The following PARD3B variants were observed in gnomAD, a reference collection of about 807,000 sequenced individuals.
PARD3B encodes partitioning defective 3 homolog B.
In PARD3B, 103 loss-of-function variants were observed where a neutral mutation model predicts 130.2. That is an observed-to-expected ratio of 0.79 (90% CI 0.67 to 0.93). PARD3B has a LOEUF of 0.93. Among genes scored for constraint, PARD3B ranks in the 40% least tolerant of loss-of-function variants. The pLI is 0.00. For missense variants in PARD3B, 1,609 were observed against 1,499.2 expected (o/e 1.07, Z -1.21); for synonymous variants, 583 against 553.2 (o/e 1.05, Z -0.76).
intron 20 of PARD3B, among the ~76,000 whole-genome samples, chr2:205,492,642 A>G (rs919004235): frequency 6.6e-6 from 1 of 152,128 alleles, no homozygotes; most frequent in South Asian, 2.1e-4. Flanking sequence ...TTATTTGTCA[A>G]TGCACCTTTG....
At chr2:205,103,056 C>CA (rs1014631275) in intron 4 of PARD3B, among the ~76,000 whole-genome samples, 1 of 144,808 alleles carries the variant, frequency 6.9e-6, no homozygotes, top group South Asian at 2.2e-4. Flanking sequence ...CGACAGAGCT[C>CA]AAAAAAAATA....
intron 1 of PARD3B, among the ~76,000 whole-genome samples, chr2:204,629,355 C>A (rs539742347): frequency 1.3e-5 from 2 of 152,224 alleles, no homozygotes; most frequent in Non-Finnish European, 2.9e-5. Flanking sequence ...ATTTGCTTTT[C>A]TGTATTTGTG....
chr2:205,151,589 G>A (rs2033761157), intron 10 of PARD3B, among the ~76,000 whole-genome samples: 1 of 151,878 alleles, frequency 6.6e-6, no homozygotes, highest in African/African-American at 2.4e-5. Flanking sequence ...TGCAACCCCT[G>A]CTTTTTTGTT....
intron 2 of PARD3B, among the ~76,000 whole-genome samples, chr2:204,813,438 T>C (rs927827323): frequency 2.6e-5 from 4 of 152,128 alleles, no homozygotes; most frequent in African/African-American, 7.2e-5. Flanking sequence ...CTTTATTTGA[T>C]ATATGATTTG....
At chr2:204,596,485 G>A (rs1025642257) in intron 1 of PARD3B, among the ~76,000 whole-genome samples, 33 of 152,128 alleles carry the variant, frequency 2.2e-4, no homozygotes, top group African/African-American at 8.0e-4. Flanking sequence ...CAGGGTTCAA[G>A]GGTGAATCCT....
At chr2:205,413,038 TC>T (rs1175157157) in intron 19 of PARD3B, among the ~76,000 whole-genome samples, 8 of 152,214 alleles carry the variant, frequency 5.3e-5, no homozygotes, top group African/African-American at 1.7e-4. Flanking sequence ...TTTTTCTTCG[TC>T]TTTCTTTGAA....
intron 21 of PARD3B, among the ~76,000 whole-genome samples, chr2:205,509,152 A>G (rs2050492846): frequency 6.6e-6 from 1 of 152,170 alleles, no homozygotes. Context: ...AGTCCCCAAC[A>G]TAGAAATAAA....
chr2:205,405,265 C>CG lies in PARD3B; in HGVS notation c.2741+4145dup, dbSNP rs2046380804. ...GGAGATATTTTTGATTGTCATAACTCGGGAAGAGGGGTGAGCAGTTACTGC... is the reference window on the plus strand; with the variant it reads ...GGAGATATTTTTGATTGTCATAACTCGGGGAAGAGGGGTGAGCAGTTACTGC... On this transcript the variant is annotated intron_variant, in intron 19 of 22. Coordinates refer to ENST00000406610, the MANE Select transcript of PARD3B (RefSeq NM_001302769.2). The surrounding 1 kb of genome is among the most constrained non-coding windows in gnomAD (Gnocchi z 4.1). 6.6e-6 allele frequency among the ~76,000 whole-genome samples: 1 copy of CG among 152,024 alleles called. No homozygotes were observed. Among genetic ancestry groups the CG allele is most frequent in the African/African-American group, 2.4e-5 (1 of 41,382 alleles).
At chr2:205,386,251 C>G (rs2045657853) in intron 18 of PARD3B, among the ~76,000 whole-genome samples, 1 of 152,064 alleles carries the variant, frequency 6.6e-6, no homozygotes, top group Non-Finnish European at 1.5e-5. Context: ...TGGCAAGTGC[C>G]CTTTTGACCA....
intron 16 of PARD3B, among the ~76,000 whole-genome samples, chr2:205,285,902 C>T (rs2041377829): frequency 2.6e-5 from 4 of 152,132 alleles, no homozygotes; most frequent in Admixed American, 2.6e-4. Flanking sequence ...CCACATCCTG[C>T]AGATGTGGAG....
At chr2:205,123,833 G>T (rs2031057727) in intron 8 of PARD3B, among the ~76,000 whole-genome samples, 1 of 151,910 alleles carries the variant, frequency 6.6e-6, no homozygotes, top group Non-Finnish European at 1.5e-5. Flanking sequence ...TGAGAAGGGA[G>T]AAATTGGAGA....
At chr2:204,804,545 T>G (rs2042695159) in intron 2 of PARD3B, among the ~76,000 whole-genome samples, 1 of 152,184 alleles carries the variant, frequency 6.6e-6, no homozygotes, top group East Asian at 1.9e-4. Context: ...TGTTAATAGC[T>G]GGAGACTTCA....
intron 11 of PARD3B, among the ~76,000 whole-genome samples, chr2:205,165,683 A>C: frequency 6.6e-6 from 1 of 151,544 alleles, no homozygotes. Context: ...ATACCACTGC[A>C]CTCCAGCCGG....
At chr2:204,759,239 C>G (rs528740926) in intron 2 of PARD3B, among the ~76,000 whole-genome samples, 2 of 152,184 alleles carry the variant, frequency 1.3e-5, no homozygotes, top group Non-Finnish European at 2.9e-5. Flanking sequence ...ATCTGATTGG[C>G]CACACCTTTA....
At chr2:205,207,889 A>G (rs1049939659) in intron 15 of PARD3B, among the ~76,000 whole-genome samples, 1 of 122,078 alleles carries the variant, frequency 8.2e-6, no homozygotes, top group Non-Finnish European at 1.7e-5. Flanking sequence ...TCATTCTGAT[A>G]CCGAAGCCAG....
Position 205,160,384 on chromosome 2 carries a change from G to A in PARD3B, c.1620+1477G>A, listed in dbSNP as rs948282108. ...TCCTTGGATCAGCAGGCTAGCTGGC[G>A]CATGTCCCTCTCATGCCTCGAGCTG... On this transcript the variant is annotated intron_variant, in intron 11 of 22. Coordinates refer to ENST00000406610, the MANE Select transcript of PARD3B (RefSeq NM_001302769.2). The surrounding 1 kb of genome is among the most constrained non-coding windows in gnomAD (Gnocchi z 4.0). Among the ~76,000 whole-genome samples, 3 of 152,126 alleles carry A rather than the reference G, an allele frequency of 2.0e-5. No homozygotes were observed. Among genetic ancestry groups the A allele is most frequent in the Admixed American group, 6.5e-5 (1 of 15,276 alleles).
intron 2 of PARD3B, among the ~76,000 whole-genome samples, chr2:204,878,114 T>C (rs776163872): frequency 6.6e-5 from 10 of 152,216 alleles, no homozygotes; most frequent in Non-Finnish European, 1.2e-4. Context: ...AGCAGTTTTG[T>C]TGGCACTGTA....
At chr2:205,242,505 T>A (rs1313301859) in intron 15 of PARD3B, among the ~76,000 whole-genome samples, 2 of 152,208 alleles carry the variant, frequency 1.3e-5, no homozygotes, top group African/African-American at 4.8e-5. Flanking sequence ...TTTCATTGCC[T>A]TTCTTCCACT....
chr2:205,392,802 A>C (rs1199212044), intron 18 of PARD3B, among the ~76,000 whole-genome samples: 1 of 152,206 alleles, frequency 6.6e-6, no homozygotes, highest in Non-Finnish European at 1.5e-5. Flanking sequence ...TCCCTCTTTA[A>C]AAGCTACAGG....
Sources: allele counts gnomAD v4.1 joint callset (sites outside exome capture counted in the v4.1 genomes callset), GRCh38; gene constraint gnomAD v4.1.1; non-coding constraint Gnocchi (gnomAD v3.1); transcripts MANE v1.5; gene names NCBI Gene and HGNC (gene_info 2026-07-23, HGNC 2026-07-21).